Variants in SNX9 observed in about 807,000 individuals in gnomAD.
The protein encoded by SNX9 is sorting nexin 9.
In SNX9, 44 loss-of-function variants were observed where a neutral mutation model predicts 89.4. The ratio of observed to expected loss-of-function variants is 0.49; its 90% CI spans 0.39 to 0.63. The LOEUF is 0.63. Ranked by LOEUF, SNX9 falls within the 30% of genes least tolerant of loss-of-function variation. The probability of loss-of-function intolerance (pLI) is 0.00; values close to 1 mark genes in which losing one functional copy is unlikely to be tolerated. For synonymous variants in SNX9, 236 were observed against 247.8 expected, an observed-to-expected ratio of 0.95 and a Z score of 0.45; for missense variants, 578 against 736.1, an observed-to-expected ratio of 0.79 and a Z score of 2.49.
intron 12 of SNX9, among the ~76,000 whole-genome samples, chr6:157,929,378 C>T (rs1006034367): frequency 6.6e-6 from 1 of 152,262 alleles, no homozygotes; most frequent in Non-Finnish European, 1.5e-5. Context: ...CACCCACAGG[C>T]TCAGAGGCTG....
chr6:157,888,556 C>G (rs563723504), intron 4 of SNX9, among the ~76,000 whole-genome samples: 2 of 152,222 alleles, frequency 1.3e-5, no homozygotes, highest in South Asian at 4.1e-4. Context: ...CACTGGGCAC[C>G]TTTTTTATTT....
intron 3 of SNX9, 39 bp from the exon 4 acceptor site, chr6:157,875,012 T>C (rs1442047732): frequency 6.2e-7 from 1 of 1,610,552 alleles, no homozygotes; most frequent in Admixed American, 1.7e-5. Flanking sequence ...GAAGTGACCG[T>C]AATCTATGAA....
intron 1 of SNX9, among the ~76,000 whole-genome samples, chr6:157,837,018 T>G (rs1781597646): frequency 6.6e-6 from 1 of 152,228 alleles, no homozygotes. Flanking sequence ...CCTTGGTTGG[T>G]CCCTAAGATC....
chr6:157,826,786 TTATA>T (rs1277692683), intron 1 of SNX9, among the ~76,000 whole-genome samples: 1 of 94,792 alleles, frequency 1.1e-5, no homozygotes, highest in Non-Finnish European at 2.0e-5. Flanking sequence ...ATATATTATA[TTATA>T]TATATATATT....
intron 17 of SNX9, 55 bp from the exon 18 acceptor site, chr6:157,942,736 T>G: frequency 5.9e-5 from 93 of 1,566,286 alleles, no homozygotes; most frequent in Non-Finnish European, 7.4e-5. Flanking sequence ...AAGAACACTG[T>G]GAGGTCGTAA....
At chr6:157,932,764 G>A (rs1223051078) in intron 13 of SNX9, among the ~76,000 whole-genome samples, 1 of 151,096 alleles carries the variant, frequency 6.6e-6, no homozygotes, top group East Asian at 2.0e-4. Context: ...CTATTTGGGA[G>A]GCTGAGGTGG....
At chr6:157,854,625 T>C (rs1471957463) in intron 1 of SNX9, among the ~76,000 whole-genome samples, 1 of 151,546 alleles carries the variant, frequency 6.6e-6, no homozygotes, top group African/African-American at 2.4e-5. Flanking sequence ...TTAGAAACTG[T>C]TCCTTTTTAA....
chr6:157,910,660 T>C (rs1783320589), intron 9 of SNX9, among the ~76,000 whole-genome samples: 1 of 152,156 alleles, frequency 6.6e-6, no homozygotes, highest in African/African-American at 2.4e-5. Context: ...AAGAATCTTT[T>C]GGTAAGTAAC....
chr6:157,885,490 C>T (rs1782715561), intron 4 of SNX9: 2 of 152,170 alleles, frequency 1.3e-5, no homozygotes, highest in Non-Finnish European at 2.9e-5. Flanking sequence ...CCTCTTCAGT[C>T]CCTTTTGAGG....
intron 1 of SNX9, among the ~76,000 whole-genome samples, chr6:157,865,899 A>C (rs1056311708): frequency 6.6e-6 from 1 of 151,586 alleles, no homozygotes; most frequent in Admixed American, 6.6e-5. Flanking sequence ...GTGCACTTGC[A>C]TTAGCCCTGT....
intron 14 of SNX9, among the ~76,000 whole-genome samples, chr6:157,936,727 G>A (rs1269339071): frequency 1.3e-5 from 2 of 152,140 alleles, no homozygotes; most frequent in Non-Finnish European, 2.9e-5. Flanking sequence ...TAAATAAAAA[G>A]CACCTGCTAC....
In SNX9 at chr6:157,909,654, C is replaced by G; in HGVS notation, c.706-11C>G. 6.2e-7 allele frequency: 1 copy of G among 1,609,212 alleles called. No homozygotes were observed. Among genetic ancestry groups the G allele is most frequent in the Non-Finnish European group, 8.5e-7 (1 of 1,178,672 alleles). On this transcript the variant is annotated splice_polypyrimidine_tract_variant and intron_variant, in intron 7 of 17. Coordinates refer to ENST00000392185, the MANE Select transcript of SNX9 (RefSeq NM_016224.5). ...GTAACAAAATTACTTCTTTCTGGAA[C>G]ATTGGCATAGGTTGGAGATTATGGC...
At chr6:157,878,396 AT>A (rs917447319) in intron 4 of SNX9, among the ~76,000 whole-genome samples, 5 of 149,872 alleles carry the variant, frequency 3.3e-5, no homozygotes, top group African/African-American at 7.4e-5. Context: ...AATAGACAGC[AT>A]TTTTTTTATG....
At chr6:157,938,529 G>A in intron 15 of SNX9, 104 bp from the exon 16 acceptor site, 1 of 700,624 alleles carries the variant, frequency 1.4e-6, no homozygotes, top group East Asian at 2.8e-5. Context: ...GGTATTTCCT[G>A]TTCAGTAGCA....
At chr6:157,876,320 CAG>C (rs1782520294) in intron 4 of SNX9, among the ~76,000 whole-genome samples, 1 of 152,124 alleles carries the variant, frequency 6.6e-6, no homozygotes, top group Non-Finnish European at 1.5e-5. Flanking sequence ...GGTGTGGTGG[CAG>C]GCACCTGTAA....
intron 1 of SNX9, among the ~76,000 whole-genome samples, chr6:157,846,880 C>T (rs975368717): frequency 5.9e-5 from 9 of 152,204 alleles, no homozygotes; most frequent in Middle Eastern, 3.4e-3. Flanking sequence ...AACCTCATCT[C>T]AACTAAAAAT....
chr6:157,838,916 T>C (rs1781639268), intron 1 of SNX9, among the ~76,000 whole-genome samples: 1 of 152,196 alleles, frequency 6.6e-6, no homozygotes, highest in South Asian at 2.1e-4. Context: ...AAATCCTTTG[T>C]GGCCGAGGAC....
intron 9 of SNX9, among the ~76,000 whole-genome samples, chr6:157,912,580 T>C (rs1455274549): frequency 2.0e-5 from 3 of 152,186 alleles, no homozygotes; most frequent in Admixed American, 6.5e-5. Context: ...TCCCCCTCAC[T>C]TGTGTGCCTC....
chr6:157,873,764 G>T (rs1401223338), intron 3 of SNX9, among the ~76,000 whole-genome samples: 1 of 151,960 alleles, frequency 6.6e-6, no homozygotes, highest in Non-Finnish European at 1.5e-5. Flanking sequence ...GCATATCTCA[G>T]TTCCTTCTCC....
Sources: allele counts gnomAD v4.1 joint callset (sites outside exome capture counted in the v4.1 genomes callset), GRCh38; gene constraint gnomAD v4.1.1; transcripts MANE v1.5; gene names NCBI Gene and HGNC (gene_info 2026-07-23, HGNC 2026-07-21).